The following CASK variants were observed in gnomAD, a reference collection of about 807,000 sequenced individuals.
CASK encodes the protein calcium/calmodulin dependent serine protein kinase.
In CASK, 4 loss-of-function variants were observed where a neutral mutation model predicts 82.9. The observed-to-expected ratio is 0.05, with a 90% CI of 0.02 to 0.11. The LOEUF is 0.11. CASK is among the 10% of genes least tolerant of loss of function. The probability of loss-of-function intolerance (pLI) is 1.00; values close to 1 mark genes in which losing one functional copy is unlikely to be tolerated. For missense variants in CASK, 358 were observed against 720.9 expected (o/e 0.50, Z 5.76); for synonymous variants, 259 against 253.5 (o/e 1.02, Z -0.20).
chrX:41,708,210 A>G (rs1277804627), intron 5 of CASK, among the ~76,000 whole-genome samples: 1 of 110,954 alleles, frequency 9.0e-6, no homozygotes, highest in Non-Finnish European at 1.9e-5. Context: ...ATAGTCGAGG[A>G]TAGAGGTGAT....
At chrX:41,648,535 C>G (rs757352333) in intron 8 of CASK, among the ~76,000 whole-genome samples, 2 of 111,006 alleles carry the variant, frequency 1.8e-5, no homozygotes, top group African/African-American at 3.3e-5. Context: ...TTTTGTGGCT[C>G]GAAAGGCATC....
At chrX:41,533,220 A>G (rs746847446) in intron 24 of CASK, among the ~76,000 whole-genome samples, 1 of 112,430 alleles carries the variant, frequency 8.9e-6, no homozygotes, top group Non-Finnish European at 1.9e-5. Flanking sequence ...GTCATGATTG[A>G]CATCATCAAA....
At chrX:41,884,001 GTATT>G (rs1418734873) in intron 1 of CASK, among the ~76,000 whole-genome samples, 1 of 111,838 alleles carries the variant, frequency 8.9e-6, no homozygotes, top group Non-Finnish European at 1.9e-5. Flanking sequence ...TACCCTCATT[GTATT>G]TAGGCTTCCC....
chrX:41,546,847 T>C, intron 21 of CASK, among the ~76,000 whole-genome samples: 1 of 112,278 alleles, frequency 8.9e-6, no homozygotes, highest in East Asian at 2.8e-4. Flanking sequence ...TTCAAACACA[T>C]ACAAGGATAT....
At chrX:41,656,894 T>A (rs112944155) in intron 8 of CASK, among the ~76,000 whole-genome samples, 79 of 112,061 alleles carry the variant, frequency 7.0e-4, no homozygotes, top group African/African-American at 2.5e-3. Context: ...ACTACCAGTG[T>A]TAGAACCAGG....
chrX:41,689,717 G>C (rs1179521483), intron 5 of CASK: 4 of 112,064 alleles, frequency 3.6e-5, no homozygotes, highest in African/African-American at 1.3e-4. Flanking sequence ...AAAGTAATAT[G>C]TTTTCAATTT....
chrX:41,884,036 G>A (rs752521057), intron 1 of CASK, among the ~76,000 whole-genome samples: 2 of 111,706 alleles, frequency 1.8e-5, no homozygotes, highest in East Asian at 2.8e-4. Context: ...CGCAGTTCCC[G>A]CTGTTAATTT....
chrX:41,660,586 C>T, intron 7 of CASK, 25 bp from the exon 8 acceptor site: 1 of 1,185,471 alleles, frequency 8.4e-7, no homozygotes, highest in Non-Finnish European at 1.1e-6. Flanking sequence ...AGGAAAACTA[C>T]ATAGTTACCT....
At chrX:41,824,430 C>G (rs938607670) in intron 2 of CASK, among the ~76,000 whole-genome samples, 1 of 112,196 alleles carries the variant, frequency 8.9e-6, no homozygotes, top group Non-Finnish European at 1.9e-5. Flanking sequence ...CCACTAAGGG[C>G]ACTGGAGGGG....
intron 8 of CASK, among the ~76,000 whole-genome samples, chrX:41,656,216 A>G (rs1450540399): frequency 8.9e-6 from 1 of 111,989 alleles, no homozygotes; most frequent in Non-Finnish European, 1.9e-5. Flanking sequence ...CAAAATGCCA[A>G]TAAGAACTGT....
chrX:41,874,071 G>A (rs1482185185), intron 1 of CASK, among the ~76,000 whole-genome samples: 2 of 111,533 alleles, frequency 1.8e-5, no homozygotes, highest in Non-Finnish European at 1.9e-5. Flanking sequence ...GATTACAGGC[G>A]TGAGCCACCA....
chrX:41,586,784 A>T, intron 14 of CASK, 123 bp downstream of exon 14: 1 of 496,142 alleles, frequency 2.0e-6, no homozygotes, highest in Non-Finnish European at 3.5e-6. Flanking sequence ...TTGTAATCTT[A>T]ATAGTCTCAT....
At chrX:41,724,056 T>C (rs971357147) in intron 5 of CASK, 1 of 112,243 alleles carries the variant, frequency 8.9e-6, no homozygotes, top group African/African-American at 3.2e-5. Context: ...ACTACAGAAA[T>C]AGAGAAATGA....
chrX:41,588,469 T>G (rs765772496), intron 13 of CASK: 3 of 110,976 alleles, frequency 2.7e-5, no homozygotes, highest in Non-Finnish European at 5.7e-5. Flanking sequence ...ATCAGCGATA[T>G]CTTAATTCCC....
chrX:41,765,956 C>T (rs938868785), intron 3 of CASK, among the ~76,000 whole-genome samples: 5 of 111,758 alleles, frequency 4.5e-5, no homozygotes, highest in Admixed American at 2.9e-4. Context: ...TGGATTGTAT[C>T]AATGTCAATA....
chrX:41,726,738 G>A (rs1244373280), intron 5 of CASK: 1 of 192,244 alleles, frequency 5.2e-6, no homozygotes, highest in African/African-American at 2.9e-5. Flanking sequence ...TAAATCCCAG[G>A]CATGTAACTA....
chrX:41,841,718 T>C (rs1352918521), intron 2 of CASK, among the ~76,000 whole-genome samples: 1 of 110,828 alleles, frequency 9.0e-6, no homozygotes, highest in Non-Finnish European at 1.9e-5. Flanking sequence ...GAGACAGGGT[T>C]TTGCCATGTT....
intron 5 of CASK, among the ~76,000 whole-genome samples, chrX:41,702,921 A>G (rs1274868794): frequency 1.8e-5 from 2 of 112,658 alleles, no homozygotes; most frequent in Admixed American, 1.9e-4. Context: ...ATACAGGTTG[A>G]ATAGAAGAAA....
chrX:41,683,845 T>C (rs1373564701), intron 5 of CASK, among the ~76,000 whole-genome samples: 2 of 112,005 alleles, frequency 1.8e-5, no homozygotes, highest in African/African-American at 6.5e-5. Context: ...TTTAAAATAA[T>C]AGTAATACCT....
Sources: gnomAD v4.1 joint callset for allele counts (sites outside exome capture counted in the v4.1 genomes callset) on GRCh38, gnomAD v4.1.1 for gene constraint, MANE v1.5 for transcripts, NCBI Gene and HGNC (gene_info 2026-07-23, HGNC 2026-07-21) for gene names.